The following CCDC73 variants were observed in gnomAD, a reference collection of about 807,000 sequenced individuals.
CCDC73 encodes coiled-coil domain-containing protein 73.
CCDC73 carries 95 observed loss-of-function variants against 116.5 expected under a neutral mutation model. That is an observed-to-expected ratio of 0.82 (90% CI 0.69 to 0.97). The LOEUF is 0.97. Ranked by LOEUF, CCDC73 falls within the 50% of genes least tolerant of loss-of-function variation. The probability of loss-of-function intolerance (pLI) is 0.00; values close to 1 mark genes in which losing one functional copy is unlikely to be tolerated. For missense variants in CCDC73, 1,066 were observed against 1,206.8 expected (o/e 0.88, Z 1.73); for synonymous variants, 398 against 401.3 (o/e 0.99, Z 0.10).
At chr11:32,647,336 G>A (rs780875760) in intron 12 of CCDC73, among the ~76,000 whole-genome samples, 50 of 152,122 alleles carry the variant, frequency 3.3e-4, no homozygotes, top group Non-Finnish European at 2.5e-4. Context: ...ACCAGATCTC[G>A]TGAAAACGAG....
upstream of CCDC73, chr11:32,794,775 G>A (rs532368936): frequency 5.9e-5 from 9 of 152,284 alleles, no homozygotes; most frequent in East Asian, 3.9e-4. Context: ...TACAAGCTTC[G>A]GAAAAGATAC....
In CCDC73 at chr11:32,675,986, T is replaced by A. The variant is rs201008687; in HGVS notation, c.465A>T (p.Glu155Asp). The A allele has an allele frequency of 6.2e-7, 1 of 1,607,068 alleles. No individual in the cohort carries two copies. The highest frequency in any genetic ancestry group is 1.3e-5 in the African/African-American group (1 of 74,714). The change falls in exon 8 of 18, where the codon GAA becomes GAT. Residue 155 changes from glutamate (E) to aspartate (D), a missense_variant. Transcript: ENST00000335185. ...TTTCACTCAGTTGCTTATGATAGTC[T>A]TCTTTAGCCAGAAGATGTAACTGGA... ...QKVQLHLLAK[E>D]DYHKQLSEIE...
At chr11:32,697,481 C>CTTTTTT (rs771837421) in intron 6 of CCDC73, among the ~76,000 whole-genome samples, 24 of 108,766 alleles carry the variant, frequency 2.2e-4, no homozygotes, top group African/African-American at 3.6e-4. Context: ...TCTCTTTATT[C>CTTTTTT]TTTTTTTTTT....
intron 2 of CCDC73, among the ~76,000 whole-genome samples, chr11:32,737,752 C>T (rs1334487616): frequency 4.6e-5 from 7 of 152,008 alleles, no homozygotes; most frequent in Non-Finnish European, 1.0e-4. Context: ...AGACTATAGT[C>T]ACCTTATTGT....
chr11:32,725,524 C>T (rs1027166248), intron 2 of CCDC73, among the ~76,000 whole-genome samples: 8 of 152,208 alleles, frequency 5.3e-5, no homozygotes, highest in African/African-American at 1.9e-4. Context: ...GTGTTTTGCT[C>T]ATTACAACTA....
chr11:32,725,336 A>G (rs1268098875), intron 2 of CCDC73, among the ~76,000 whole-genome samples: 1 of 152,136 alleles, frequency 6.6e-6, no homozygotes, highest in Non-Finnish European at 1.5e-5. Context: ...TACGTAATTT[A>G]TAAACTAAAC....
intron 1 of CCDC73, among the ~76,000 whole-genome samples, chr11:32,763,237 T>G (rs1850408301): frequency 6.6e-6 from 1 of 152,172 alleles, no homozygotes; most frequent in Non-Finnish European, 1.5e-5. Flanking sequence ...TCTGACAGCT[T>G]TGAAGAGAGT....
intron 14 of CCDC73, among the ~76,000 whole-genome samples, chr11:32,630,187 A>C (rs1445111496): frequency 4.6e-5 from 7 of 152,038 alleles, no homozygotes; most frequent in Non-Finnish European, 1.0e-4. Context: ...GAAAATGATA[A>C]TGTAGTATTG....
At chr11:32,752,172 C>T (rs551142794) in intron 2 of CCDC73, among the ~76,000 whole-genome samples, 1 of 152,310 alleles carries the variant, frequency 6.6e-6, no homozygotes, top group South Asian at 2.1e-4. Flanking sequence ...TGCTTAGTAA[C>T]ATGCTTGCTA....
In CCDC73 at chr11:32,602,884, C is replaced by G; in HGVS notation, c.3167G>C (p.Ser1056Thr). ...CTTTGGCTGGTTGTCATTTTCTAAACTTAGTAAATTTTCACTTTTATTTAG... is the reference window on the plus strand; with the variant it reads ...CTTTGGCTGGTTGTCATTTTCTAAAGTTAGTAAATTTTCACTTTTATTTAG... ...NQLNKSENLLSLENDNQPKKR... is the reference protein window; with the variant it reads ...NQLNKSENLLTLENDNQPKKR... The change falls in exon 18 of 18, where the codon AGT (serine) becomes ACT (threonine). Residue 1056 changes from serine to threonine, a missense_variant. Ser to Thr is a moderately conservative substitution (Grantham distance 58). Coordinates refer to ENST00000335185, the MANE Select transcript of CCDC73 (RefSeq NM_001008391.4). The G allele has an allele frequency of 6.2e-7, 1 of 1,611,716 alleles. No individual in the cohort carries two copies.
intron 1 of CCDC73, among the ~76,000 whole-genome samples, chr11:32,783,267 G>T (rs1336929333): frequency 6.6e-6 from 1 of 152,120 alleles, no homozygotes; most frequent in Non-Finnish European, 1.5e-5. Flanking sequence ...AAGGGAAAAT[G>T]ATTACCAGAT....
At chr11:32,792,744 G>T (rs137879280) in intron 1 of CCDC73, among the ~76,000 whole-genome samples, 1 of 152,184 alleles carries the variant, frequency 6.6e-6, no homozygotes, top group African/African-American at 2.4e-5. Context: ...AATTTGGTTA[G>T]CATGAAGTAG....
intron 2 of CCDC73, among the ~76,000 whole-genome samples, chr11:32,753,149 G>A (rs189028299): frequency 1.3e-5 from 2 of 152,120 alleles, no homozygotes; most frequent in Admixed American, 6.5e-5. Context: ...CTATTATCCC[G>A]TAAGAGCTAA....
intron 6 of CCDC73, among the ~76,000 whole-genome samples, chr11:32,695,149 A>G (rs1440588765): frequency 1.3e-5 from 2 of 152,236 alleles, no homozygotes; most frequent in African/African-American, 2.4e-5. Flanking sequence ...TGGGTGGATC[A>G]CTAGAGGTTA....
At chr11:32,666,032 G>C (rs1377936260) in intron 9 of CCDC73, among the ~76,000 whole-genome samples, 1 of 152,228 alleles carries the variant, frequency 6.6e-6, no homozygotes, top group African/African-American at 2.4e-5. Context: ...GATATCTGCT[G>C]TTAGTCTGAT....
rs749779493 is a variant in CCDC73, at chr11:32,614,073, A to T, written c.2245T>A (p.Cys749Ser). 6.2e-7 allele frequency: 1 copy of T among 1,613,294 alleles called. No homozygotes were observed. The highest frequency in any genetic ancestry group is 8.5e-7 in the Non-Finnish European group (1 of 1,179,902). Residue 749 changes from cysteine to serine, a missense_variant, in exon 16 of 18, where the codon TGT becomes AGT. Transcript: ENST00000335185. ...PNSSPGGKTMCKNMSDMQNSQ... is the reference protein window; with the variant it reads ...PNSSPGGKTMSKNMSDMQNSQ... Reference sequence around the variant, plus strand: ...TTTTGCATATCACTCATATTTTTACACATAGTTTTTCCCCCAGGGCTTGAG... The same window carrying T: ...TTTTGCATATCACTCATATTTTTACTCATAGTTTTTCCCCCAGGGCTTGAG...
chr11:32,712,178 C>T (rs1590608095), intron 3 of CCDC73, among the ~76,000 whole-genome samples: 1 of 152,074 alleles, frequency 6.6e-6, no homozygotes, highest in South Asian at 2.1e-4. Context: ...AAGACAAATA[C>T]CACATGATCT....
intron 12 of CCDC73, among the ~76,000 whole-genome samples, chr11:32,645,024 T>C (rs1272243706): frequency 6.6e-6 from 1 of 152,188 alleles, no homozygotes; most frequent in African/African-American, 2.4e-5. Flanking sequence ...ATGCTATTTC[T>C]AGTTTTTAAT....
intron 3 of CCDC73, among the ~76,000 whole-genome samples, chr11:32,705,157 G>C (rs912036343): frequency 2.6e-5 from 4 of 152,206 alleles, no homozygotes; most frequent in African/African-American, 9.6e-5. Flanking sequence ...GCCAGCCCAG[G>C]AGCCGCGGGC....
Sources: gnomAD v4.1 joint callset for allele counts (sites outside exome capture counted in the v4.1 genomes callset) on GRCh38, gnomAD v4.1.1 for gene constraint, MANE v1.5 for transcripts, NCBI Gene and HGNC (gene_info 2026-07-23, HGNC 2026-07-21) for gene names.